The following MAML3 variants were observed in gnomAD, a reference collection of about 807,000 sequenced individuals.
MAML3 encodes mastermind like transcriptional coactivator 3, also known as mastermind-like protein 3.
In MAML3, 27 loss-of-function variants were observed where a neutral mutation model predicts 101.9. That is an observed-to-expected ratio of 0.27 (90% confidence interval 0.20 to 0.37). The LOEUF (loss-of-function observed/expected upper bound fraction) is 0.37. MAML3 is among the 10% of genes least tolerant of loss of function. The probability of loss-of-function intolerance (pLI) is 1.00; values close to 1 mark genes in which losing one functional copy is unlikely to be tolerated. For missense variants in MAML3, 1,316 were observed against 1,444.9 expected, an observed-to-expected ratio of 0.91 and a Z score of 1.45; for synonymous variants, 501 against 555.9, an observed-to-expected ratio of 0.90 and a Z score of 1.39.
intron 1 of MAML3, among the ~76,000 whole-genome samples, chr4:140,118,018 ATTTAT>A (rs1728543629): frequency 6.6e-6 from 1 of 152,158 alleles, no homozygotes; most frequent in African/African-American, 2.4e-5. Context: ...AACACACTAA[ATTTAT>A]TTTTTTTAAT....
At chr4:139,917,421 G>A (rs1479636406) in intron 1 of MAML3, among the ~76,000 whole-genome samples, 1 of 152,148 alleles carries the variant, frequency 6.6e-6, no homozygotes, top group Non-Finnish European at 1.5e-5. Flanking sequence ...GCAGCAAGAG[G>A]GTAGTACCAG....
intron 2 of MAML3, among the ~76,000 whole-genome samples, chr4:139,789,354 A>C (rs1730362335): frequency 6.6e-6 from 1 of 152,204 alleles, no homozygotes; most frequent in Non-Finnish European, 1.5e-5. Flanking sequence ...TGGACCTAAG[A>C]AGTCTTCACA....
At chr4:139,851,920 G>A (rs1578630853) in intron 2 of MAML3, among the ~76,000 whole-genome samples, 5 of 152,130 alleles carry the variant, frequency 3.3e-5, no homozygotes, top group South Asian at 4.1e-4. Context: ...AGTGAAAGCC[G>A]CTCTTCTAAG....
chr4:140,146,864 G>A (rs536027869), intron 1 of MAML3, among the ~76,000 whole-genome samples: 6 of 151,948 alleles, frequency 3.9e-5, no homozygotes, highest in South Asian at 2.1e-4. Flanking sequence ...GGCCGGGTGC[G>A]GTGGCTCACA....
chr4:139,837,422 C>T (rs28632199), intron 2 of MAML3, among the ~76,000 whole-genome samples: 5,906 of 149,966 alleles, frequency 0.039, 126 homozygotes, highest in Middle Eastern at 0.12. Flanking sequence ...GGCATGAACC[C>T]GGGAAGTGGA....
At chr4:139,853,227 T>C (rs942262987) in intron 2 of MAML3, among the ~76,000 whole-genome samples, 24 of 152,238 alleles carry the variant, frequency 1.6e-4, no homozygotes, top group Non-Finnish European at 3.4e-4. Flanking sequence ...AGTTCATCCA[T>C]TTCAAATGGT....
chr4:139,903,883 T>C (rs1732771366), intron 1 of MAML3, among the ~76,000 whole-genome samples: 1 of 152,152 alleles, frequency 6.6e-6, no homozygotes, highest in Non-Finnish European at 1.5e-5. Context: ...GACGGCACCA[T>C]CTAGGTATCC....
chr4:140,090,833 T>C lies in MAML3; in HGVS notation c.468+62027A>G, dbSNP rs980830491. ...TGGGAGGCTGACGCTGGCAGATAAC[T>C]TAAGGTTGCAAGTTTGAGACCAGCC... On this transcript the variant is annotated intron_variant, in intron 1 of 4. Transcript: ENST00000509479. Among the ~76,000 whole-genome samples the C allele has an allele frequency of 5.9e-5, 9 of 152,148 alleles. No homozygotes were observed. The East Asian group carries it at 1.5e-3, about 26-fold the overall frequency.
At chr4:140,074,876 A>G (rs565785806) in intron 1 of MAML3, among the ~76,000 whole-genome samples, 2 of 152,354 alleles carry the variant, frequency 1.3e-5, no homozygotes, top group South Asian at 2.1e-4. Flanking sequence ...AGAATATTGT[A>G]TAAAATTACC....
chr4:140,068,076 T>C (rs936517915), intron 1 of MAML3, among the ~76,000 whole-genome samples: 1 of 152,162 alleles, frequency 6.6e-6, no homozygotes, highest in East Asian at 1.9e-4. Context: ...AAAGGCCTTT[T>C]CTGACTTAGC....
intron 2 of MAML3, among the ~76,000 whole-genome samples, chr4:139,866,752 C>G (rs748132470): frequency 3.3e-5 from 5 of 152,120 alleles, no homozygotes; most frequent in Non-Finnish European, 7.3e-5. Context: ...GGGGAGCAGT[C>G]GGCAATTCCA....
chr4:139,803,385 G>T (rs1159602610), intron 2 of MAML3, among the ~76,000 whole-genome samples: 1 of 152,168 alleles, frequency 6.6e-6, no homozygotes, highest in African/African-American at 2.4e-5. Flanking sequence ...TGGAAAAAAA[G>T]ATTTTTATAC....
At chr4:139,747,285 G>A (rs1323575475) in intron 2 of MAML3, among the ~76,000 whole-genome samples, 1 of 152,202 alleles carries the variant, frequency 6.6e-6, no homozygotes, top group Non-Finnish European at 1.5e-5. Flanking sequence ...GGAGGGAGAA[G>A]AGTGCAGAGC....
rs748808636 is a variant in MAML3, at chr4:139,890,078, C to A, written c.1358G>T (p.Gly453Val). The change falls in exon 2 of 5, where the codon GGG becomes GTG. Residue 453 changes from glycine to valine, a missense_variant. By Grantham distance (109) the Gly-to-Val change is moderately radical. Transcript: ENST00000509479. The surrounding 1 kb of genome is among the most constrained non-coding windows in gnomAD (Gnocchi z 4.1). ...GTCAGAGCTGGGCACAGCCACAGGCCCTGACGCTGAACCGGCCACTGTCAC... is the reference window on the plus strand; with the variant it reads ...GTCAGAGCTGGGCACAGCCACAGGCACTGACGCTGAACCGGCCACTGTCAC... ...AAVTVAGSAS[G>V]PVAVPSSDMS... 1.2e-6 allele frequency: 2 copies of A among 1,612,178 alleles called. No homozygotes were observed. The highest frequency in any genetic ancestry group is 2.2e-5 in the South Asian group (2 of 91,002).
intron 1 of MAML3, among the ~76,000 whole-genome samples, chr4:140,030,418 T>C (rs1459689702): frequency 6.6e-6 from 1 of 152,176 alleles, no homozygotes; most frequent in East Asian, 1.9e-4. Flanking sequence ...AGAGTGAAGA[T>C]CAATGCCACA....
chr4:139,733,284 C>A (rs1055008131), intron 2 of MAML3, among the ~76,000 whole-genome samples: 2 of 152,114 alleles, frequency 1.3e-5, no homozygotes, highest in Non-Finnish European at 2.9e-5. Context: ...GAAAATGAGG[C>A]CCAAGGGAAG....
intron 2 of MAML3, among the ~76,000 whole-genome samples, chr4:139,758,699 G>C (rs1237914306): frequency 6.6e-6 from 1 of 152,182 alleles, no homozygotes; most frequent in South Asian, 2.1e-4. Context: ...AGCAACAACT[G>C]TCTCAGAATT....
At chr4:140,111,131 A>T (rs931240450) in intron 1 of MAML3, among the ~76,000 whole-genome samples, 1 of 152,262 alleles carries the variant, frequency 6.6e-6, no homozygotes, top group Non-Finnish European at 1.5e-5. Context: ...TAAACATGGC[A>T]TAGCACAATA....
chr4:139,892,167 T>C (rs886638246), intron 1 of MAML3, among the ~76,000 whole-genome samples: 2 of 152,224 alleles, frequency 1.3e-5, no homozygotes, highest in African/African-American at 4.8e-5. Flanking sequence ...AGCAGGCTCA[T>C]TGGATTAGTG....
Sources: allele counts gnomAD v4.1 joint callset (sites outside exome capture counted in the v4.1 genomes callset), GRCh38; gene constraint gnomAD v4.1.1; non-coding constraint Gnocchi (gnomAD v3.1); transcripts MANE v1.5; gene names NCBI Gene and HGNC (gene_info 2026-07-23, HGNC 2026-07-21).